The following HNMT variants were observed in gnomAD, a reference collection of about 807,000 sequenced individuals.
The protein encoded by HNMT is histamine N-methyltransferase.
A neutral mutation model predicts 32.1 loss-of-function variants in HNMT; 30 were observed. The ratio of observed to expected loss-of-function variants is 0.93; its 90% CI spans 0.70 to 1.27. The LOEUF is 1.27. Ranked by LOEUF, HNMT falls within the 50% of genes most tolerant of loss-of-function variation. The pLI is 0.00. For missense variants in HNMT, 327 were observed against 346.0 expected (o/e 0.95, Z 0.43); for synonymous variants, 125 against 119.0 (o/e 1.05, Z -0.33).
At chr2:138,009,286 T>A (rs938839292) in intron 5 of HNMT, among the ~76,000 whole-genome samples, 42 of 152,110 alleles carry the variant, frequency 2.8e-4, no homozygotes, top group Non-Finnish European at 2.9e-5. Context: ...AAGGAACACA[T>A]ACATTGTTGG....
chr2:138,005,594 T>A (rs1340585024), intron 5 of HNMT, among the ~76,000 whole-genome samples: 5 of 152,096 alleles, frequency 3.3e-5, no homozygotes, highest in African/African-American at 1.2e-4. Context: ...CCCTCTATGA[T>A]GTTTATTAAT....
chr2:137,985,956 G>A (rs1036127659), intron 2 of HNMT, among the ~76,000 whole-genome samples: 36 of 151,952 alleles, frequency 2.4e-4, no homozygotes, highest in African/African-American at 7.5e-4. Context: ...GCGACAGAGC[G>A]AGACTCCATC....
chr2:138,005,828 T>C (rs964676267), intron 5 of HNMT, among the ~76,000 whole-genome samples: 2 of 152,146 alleles, frequency 1.3e-5, no homozygotes, highest in African/African-American at 4.8e-5. Flanking sequence ...TAAACATTTT[T>C]AGATAATGAA....
chr2:137,976,539 G>C (rs536392184), intron 2 of HNMT, among the ~76,000 whole-genome samples: 6 of 152,210 alleles, frequency 3.9e-5, no homozygotes, highest in African/African-American at 1.4e-4. Context: ...TTGCTGTATT[G>C]AGGAAGCGGT....
At chr2:137,968,712 G>T (rs77158454) in intron 1 of HNMT, among the ~76,000 whole-genome samples, 1,824 of 152,208 alleles carry the variant, frequency 0.012, 49 homozygotes, top group African/African-American at 0.042. Flanking sequence ...TCAGGATTAT[G>T]AGTTGGAGGA....
At chr2:137,987,376 G>A (rs1680679773) in intron 2 of HNMT, among the ~76,000 whole-genome samples, 1 of 152,126 alleles carries the variant, frequency 6.6e-6, no homozygotes, top group African/African-American at 2.4e-5. Flanking sequence ...TACAATAAAA[G>A]TAGATTGCTG....
At chr2:138,008,769 A>T (rs186413019) in intron 5 of HNMT, among the ~76,000 whole-genome samples, 36 of 152,146 alleles carry the variant, frequency 2.4e-4, no homozygotes, top group African/African-American at 8.4e-4. Flanking sequence ...ATATACAAAA[A>T]TCAACTCAAT....
chr2:137,981,374 C>T (rs1680494170), intron 2 of HNMT: 1 of 1,610,648 alleles, frequency 6.2e-7, no homozygotes, highest in African/African-American at 1.3e-5. Context: ...ATCTGCATTT[C>T]CCTCATTCCT....
chr2:137,995,285 G>T (rs186818035), intron 2 of HNMT, among the ~76,000 whole-genome samples: 558 of 151,860 alleles, frequency 3.7e-3, no homozygotes, highest in Non-Finnish European at 5.1e-3. Context: ...TAATAAAGGA[G>T]AAAAGAGAGA....
At chr2:138,000,663 T>G (rs966525399) in intron 2 of HNMT, among the ~76,000 whole-genome samples, 2 of 152,088 alleles carry the variant, frequency 1.3e-5, no homozygotes, top group African/African-American at 4.8e-5. Flanking sequence ...GCATCTTTGA[T>G]TTGATGAAAT....
In HNMT at chr2:138,015,182, T is replaced by A. The variant is rs1681626122; in HGVS notation, c.*1052T>A. The A allele has an allele frequency of 6.6e-6, 1 of 152,066 alleles. No individual in the cohort carries two copies. The highest frequency in any genetic ancestry group is 1.5e-5 in the Non-Finnish European group (1 of 67,994). The allele number at this position is 152,066 out of a possible 1,614,324, so 9.4% of individuals were successfully genotyped here. On this transcript the variant is annotated 3_prime_UTR_variant, in exon 6 of 6. Coordinates refer to ENST00000280097, the MANE Select transcript of HNMT (RefSeq NM_006895.3). ...ATTTCAGGGGGGTTTTGAAAACAAA[T>A]TTGATGTTTCTTATTTTTAATAATA...
At chr2:138,001,553 T>TG (rs1432491153) in intron 3 of HNMT, among the ~76,000 whole-genome samples, 2 of 152,192 alleles carry the variant, frequency 1.3e-5, no homozygotes, top group Non-Finnish European at 2.9e-5. Flanking sequence ...TTCATATCAT[T>TG]TTCACATATG....
intron 5 of HNMT, 99 bp downstream of exon 5, chr2:138,005,324 A>C: frequency 1.4e-6 from 1 of 737,110 alleles, no homozygotes; most frequent in South Asian, 1.7e-5. Context: ...TGTCTTCATT[A>C]TGAAATTCTT....
At chr2:138,000,445 T>C (rs1681130904) in intron 2 of HNMT, among the ~76,000 whole-genome samples, 1 of 148,298 alleles carries the variant, frequency 6.7e-6, no homozygotes, top group Non-Finnish European at 1.5e-5. Flanking sequence ...GACATATGCT[T>C]GTACCCTTTA....
At chr2:137,998,774 A>T (rs562724390) in intron 2 of HNMT, among the ~76,000 whole-genome samples, 1 of 152,224 alleles carries the variant, frequency 6.6e-6, no homozygotes, top group Admixed American at 6.5e-5. Context: ...AGGAGAGCTC[A>T]TCAAGCCCTG....
chr2:138,008,126 C>T (rs1681383441), intron 5 of HNMT, among the ~76,000 whole-genome samples: 2 of 152,036 alleles, frequency 1.3e-5, no homozygotes, highest in South Asian at 2.1e-4. Context: ...CTTTTCTGCT[C>T]CTCTTTCTCC....
chr2:137,968,254 C>T (rs2104921610), intron 1 of HNMT, among the ~76,000 whole-genome samples: 1 of 152,160 alleles, frequency 6.6e-6, no homozygotes, highest in South Asian at 2.1e-4. Flanking sequence ...AAATCCTTGG[C>T]TAGAAAATAG....
At chr2:137,973,312 A>C (rs1218998047) in intron 2 of HNMT, among the ~76,000 whole-genome samples, 2 of 152,130 alleles carry the variant, frequency 1.3e-5, no homozygotes, top group Non-Finnish European at 2.9e-5. Context: ...CTAATCACCT[A>C]TTATGGCCTG....
intron 2 of HNMT, among the ~76,000 whole-genome samples, chr2:137,977,918 G>C (rs1680334940): frequency 6.6e-6 from 1 of 151,786 alleles, no homozygotes; most frequent in Admixed American, 6.6e-5. Context: ...ATCCCACCTT[G>C]CCTCCCCACC....
Sources: allele counts gnomAD v4.1 joint callset (sites outside exome capture counted in the v4.1 genomes callset), GRCh38; gene constraint gnomAD v4.1.1; transcripts MANE v1.5; gene names NCBI Gene and HGNC (gene_info 2026-07-23, HGNC 2026-07-21).